ACAT2: variants seen among roughly 807,000 people sequenced by gnomAD.
ACAT2 encodes acetyl-CoA acetyltransferase 2.
ACAT2 carries 26 observed loss-of-function variants against 37.1 expected under a neutral mutation model. The observed-to-expected ratio is 0.70, with a 90% CI of 0.51 to 0.97. ACAT2 has a LOEUF of 0.97. ACAT2 is among the 50% of genes least tolerant of loss of function. The pLI is 0.00. For synonymous variants in ACAT2, 156 were observed against 163.6 expected (o/e 0.95, Z 0.35); for missense variants, 468 against 489.0 (o/e 0.96, Z 0.40).
intron 6 of ACAT2, among the ~76,000 whole-genome samples, chr6:159,777,011 T>C (rs1239487170): frequency 6.6e-6 from 1 of 152,170 alleles, no homozygotes; most frequent in East Asian, 1.9e-4. Flanking sequence ...GGTCTCAAAC[T>C]CCTGACCTCA....
In ACAT2 at chr6:159,777,890, G is replaced by A. The variant is rs954612339; in HGVS notation, c.913-280G>A. On this transcript the variant is annotated intron_variant, in intron 7 of 8. Transcript: ENST00000367048. ...CATGCTTTCTAGGGGAACTGATTCT[G>A]TTACATTAGCCTTAGGTACACATAA... Among the ~76,000 whole-genome samples, 4 of 152,116 alleles carry A rather than the reference G, an allele frequency of 2.6e-5. No individual in the cohort carries two copies. The South Asian group carries it at 8.3e-4, about 31-fold the overall frequency.
chr6:159,770,739 C>T (rs948813208), intron 4 of ACAT2, among the ~76,000 whole-genome samples: 10 of 152,072 alleles, frequency 6.6e-5, no homozygotes, highest in African/African-American at 9.7e-5. Flanking sequence ...ATCATATACA[C>T]GACCTGAAGA....
chr6:159,765,591 AG>A (rs1780241804), intron 2 of ACAT2, among the ~76,000 whole-genome samples: 1 of 151,300 alleles, frequency 6.6e-6, no homozygotes, highest in Admixed American at 6.6e-5. Context: ...CACCATGCCC[AG>A]CTAATTTTTG....
Position 159,778,855 on chromosome 6 carries a change from A to T in ACAT2, c.*26A>T. 1 of 1,613,734 alleles carries T rather than the reference A, an allele frequency of 6.2e-7. No individual in the cohort carries two copies. Among genetic ancestry groups the T allele is most frequent in the South Asian group, 1.1e-5 (1 of 91,060 alleles). On this transcript the variant is annotated 3_prime_UTR_variant, in exon 9 of 9. Coordinates refer to ENST00000367048, the MANE Select transcript of ACAT2 (RefSeq NM_005891.3). ...ATTGCTTAAACTTTGAACAACCTCA[A>T]TTTCTTTTTAAACTAATAAAGTACT...
At chr6:159,762,590 C>A in intron 1 of ACAT2, 1 of 1,374,216 alleles carries the variant, frequency 7.3e-7, no homozygotes, top group Non-Finnish European at 9.5e-7. Flanking sequence ...CTTCGTGCCG[C>A]ATGGTTTTCA....
At chr6:159,775,572 G>T (rs1181205635) in intron 5 of ACAT2, 17 of 368,054 alleles carry the variant, frequency 4.6e-5, no homozygotes, top group Non-Finnish European at 8.3e-5. Context: ...GGTTTCATGA[G>T]AAGCTGGAGC....
intron 4 of ACAT2, among the ~76,000 whole-genome samples, 157 bp downstream of exon 4, chr6:159,768,785 T>C (rs1780294277): frequency 6.6e-6 from 1 of 152,246 alleles, no homozygotes; most frequent in Admixed American, 6.5e-5. Context: ...AAGTATTCTC[T>C]TCTTTGTGAA....
chr6:159,766,854 T>TA, intron 2 of ACAT2, 151 bp from the exon 3 acceptor site: 1 of 764,000 alleles, frequency 1.3e-6, no homozygotes, highest in Middle Eastern at 3.6e-4. Flanking sequence ...GGAGAGTGTA[T>TA]ACAGGCCTTT....
intron 8 of ACAT2, 176 bp from the exon 9 acceptor site, chr6:159,778,483 T>TA (rs1780483643): frequency 1.4e-6 from 1 of 721,030 alleles, no homozygotes; most frequent in South Asian, 2.4e-5. Flanking sequence ...AGGAACGAGG[T>TA]AAGATAGGCA....
intron 4 of ACAT2, among the ~76,000 whole-genome samples, chr6:159,769,755 G>T (rs1360716484): frequency 1.3e-5 from 2 of 152,198 alleles, no homozygotes; most frequent in Non-Finnish European, 2.9e-5. Flanking sequence ...GGAAACAGTG[G>T]TCTCAGTGAT....
chr6:159,762,625 T>G, intron 1 of ACAT2: 1 of 1,415,610 alleles, frequency 7.1e-7, no homozygotes, highest in Non-Finnish European at 9.3e-7. Context: ...CCGGTTCCTT[T>G]TGTTTGGGAA....
intron 6 of ACAT2, 93 bp downstream of exon 6, chr6:159,776,365 A>T: frequency 7.0e-7 from 1 of 1,424,694 alleles, no homozygotes; most frequent in Non-Finnish European, 9.3e-7. Flanking sequence ...CAAAAGTACT[A>T]TTTTTTGGGA....
chr6:159,763,663 G>A (rs1240285790), intron 2 of ACAT2, among the ~76,000 whole-genome samples: 11 of 78,064 alleles, frequency 1.4e-4, no homozygotes, highest in Non-Finnish European at 2.2e-4. Context: ...TTTTTGAGAC[G>A]GAGTCTCTCT....
chr6:159,763,334 C>A (rs1780190155), intron 2 of ACAT2, among the ~76,000 whole-genome samples: 1 of 151,788 alleles, frequency 6.6e-6, no homozygotes, highest in South Asian at 2.1e-4. Context: ...GGAAGGATCA[C>A]TTGAGTCCAG....
chr6:159,778,469 T>G, intron 8 of ACAT2, 189 bp downstream of exon 8: 1 of 611,926 alleles, frequency 1.6e-6, no homozygotes, highest in Non-Finnish European at 2.5e-6. Context: ...TTACTTGGCA[T>G]AAAAGGAACG....
In ACAT2 at chr6:159,765,882, C is replaced by T. The variant is rs373202813; in HGVS notation, c.191-1123C>T. Reference sequence around the variant, plus strand: ...AATATAATCTCTAAGTTTTTATCAGCGACTTATTTGCTAGTTCTTCCCCAC... The same window carrying T: ...AATATAATCTCTAAGTTTTTATCAGTGACTTATTTGCTAGTTCTTCCCCAC... On this transcript the variant is annotated intron_variant, in intron 2 of 8. Transcript: ENST00000367048. Among the ~76,000 whole-genome samples the T allele has an allele frequency of 1.6e-3, 249 of 152,254 alleles. 2 individuals are homozygous for T. The highest frequency in any genetic ancestry group is 5.5e-3 in the African/African-American group (230 of 41,534).
Position 159,778,814 on chromosome 6 carries a change from T to C in ACAT2, c.1179T>C (p.Cys393=). 1 of 1,614,210 alleles carries C rather than the reference T, an allele frequency of 6.2e-7. No individual in the cohort carries two copies. Residue 393 remains cysteine (C), a synonymous_variant, in exon 9 of 9, where the codon TGT becomes TGC. Transcript: ENST00000367048. ...GGGGTGGGATGGGAATAGCAATGTG[T>C]GTTCAGAGAGAATGAATTGCTTAAA... ...CIGGGMGIAM[C]VQRE is the part of the protein sequence containing the mutation.
chr6:159,768,908 G>C (rs1301633705), intron 4 of ACAT2, among the ~76,000 whole-genome samples: 1 of 152,206 alleles, frequency 6.6e-6, no homozygotes, highest in Non-Finnish European at 1.5e-5. Flanking sequence ...TTCTGTGGCA[G>C]AGGTAGTGAC....
intron 2 of ACAT2, among the ~76,000 whole-genome samples, chr6:159,766,056 T>G (rs1428688852): frequency 7.9e-5 from 12 of 152,218 alleles, no homozygotes; most frequent in African/African-American, 2.7e-4. Context: ...TCTGTGCTAC[T>G]TTAAGTAAAT....
Sources: allele counts gnomAD v4.1 joint callset (sites outside exome capture counted in the v4.1 genomes callset), GRCh38; gene constraint gnomAD v4.1.1; transcripts MANE v1.5; gene names NCBI Gene and HGNC (gene_info 2026-07-23, HGNC 2026-07-21).